The following ASIC2 variants were observed in gnomAD, a reference collection of about 807,000 sequenced individuals.
The protein encoded by ASIC2 is acid sensing ion channel subunit 2, also known as acid-sensing ion channel 2.
A neutral mutation model predicts 57.3 loss-of-function variants in ASIC2; 25 were observed. That is an observed-to-expected ratio of 0.44 (90% confidence interval 0.32 to 0.61). The LOEUF is 0.61. Ranked by LOEUF, ASIC2 falls within the 20% of genes least tolerant of loss-of-function variation. The pLI, the probability that ASIC2 is intolerant of heterozygous loss-of-function variation, is 0.06. For missense variants in ASIC2, 641 were observed against 738.1 expected (o/e 0.87, Z 1.52); for synonymous variants, 319 against 307.5 (o/e 1.04, Z -0.39).
intron 3 of ASIC2, among the ~76,000 whole-genome samples, chr17:33,057,076 AATTAGGGCTGTCTGCTGTAAT>A (rs947963980): frequency 2.0e-5 from 3 of 152,144 alleles, no homozygotes; most frequent in African/African-American, 7.2e-5. Flanking sequence ...AGATGAGCTA[AATTAGGGCTGTCTGCTGTAAT>A]ATTAGGGCCC....
intron 1 of ASIC2, among the ~76,000 whole-genome samples, chr17:34,042,928 A>G (rs1044211697): frequency 1.3e-5 from 2 of 152,372 alleles, no homozygotes; most frequent in Admixed American, 1.3e-4. Context: ...GTTGATTTAT[A>G]TATTTGCAGA....
chr17:33,032,030 C>A (rs2141907444), intron 3 of ASIC2, among the ~76,000 whole-genome samples: 1 of 152,202 alleles, frequency 6.6e-6, no homozygotes, highest in African/African-American at 2.4e-5. Context: ...TAAGGTACAT[C>A]TATTTGAGTG....
intron 1 of ASIC2, among the ~76,000 whole-genome samples, chr17:33,626,339 T>C (rs1176048737): frequency 1.3e-5 from 2 of 152,248 alleles, no homozygotes; most frequent in East Asian, 3.8e-4. Flanking sequence ...ACCACGTATG[T>C]TATTTTTTAA....
chr17:33,332,049 G>C (rs191983335), intron 1 of ASIC2, among the ~76,000 whole-genome samples: 2 of 152,204 alleles, frequency 1.3e-5, no homozygotes, highest in Non-Finnish European at 2.9e-5. Flanking sequence ...TCTGATTTTA[G>C]CAGTGAAGGC....
At chr17:33,969,115 G>A (rs976543880) in intron 1 of ASIC2, among the ~76,000 whole-genome samples, 4 of 152,302 alleles carry the variant, frequency 2.6e-5, no homozygotes, top group African/African-American at 9.6e-5. Context: ...AGACTCTCCA[G>A]GTAATTACAA....
intron 1 of ASIC2, among the ~76,000 whole-genome samples, chr17:33,436,525 G>A (rs964660904): frequency 6.6e-6 from 1 of 152,014 alleles, no homozygotes; most frequent in Non-Finnish European, 1.5e-5. Flanking sequence ...CCCAGAGAAC[G>A]ACTCAGCATA....
chr17:33,863,681 C>T (rs1914153206), intron 1 of ASIC2, among the ~76,000 whole-genome samples: 1 of 152,190 alleles, frequency 6.6e-6, no homozygotes, highest in South Asian at 2.1e-4. Context: ...TTATTTCCTG[C>T]TCAGTTCTCT....
At chr17:33,110,786 A>T (rs2141985957) in intron 2 of ASIC2, among the ~76,000 whole-genome samples, 1 of 152,156 alleles carries the variant, frequency 6.6e-6, no homozygotes, top group South Asian at 2.1e-4. Context: ...GGGTGGCAAC[A>T]GGTAGGGGCT....
intron 1 of ASIC2, among the ~76,000 whole-genome samples, chr17:33,856,890 G>T (rs192586442): frequency 2.9e-4 from 44 of 152,176 alleles, no homozygotes; most frequent in African/African-American, 1.0e-3. Context: ...GCCAGGGGCC[G>T]GGTCTGAAAG....
intron 1 of ASIC2, among the ~76,000 whole-genome samples, chr17:33,543,298 A>G (rs1311175482): frequency 9.0e-6 from 1 of 111,044 alleles, no homozygotes; most frequent in Non-Finnish European, 1.8e-5. Flanking sequence ...AAACAAAACA[A>G]AAACAAAAAA....
intron 1 of ASIC2, among the ~76,000 whole-genome samples, chr17:33,644,661 A>G (rs1055110518): frequency 6.6e-6 from 1 of 152,246 alleles, no homozygotes; most frequent in African/African-American, 2.4e-5. Context: ...CAAAATGGAT[A>G]AGGTATGTTT....
chr17:33,227,125 G>A (rs907170395), intron 1 of ASIC2, among the ~76,000 whole-genome samples: 1 of 152,236 alleles, frequency 6.6e-6, no homozygotes, highest in African/African-American at 2.4e-5. Flanking sequence ...GCCAGTGGCT[G>A]CTTGGCAGCG....
At chr17:33,399,664 C>T (rs1910210579) in intron 1 of ASIC2, among the ~76,000 whole-genome samples, 1 of 152,184 alleles carries the variant, frequency 6.6e-6, no homozygotes, top group East Asian at 1.9e-4. Context: ...TTTGTGATGC[C>T]CCTTCCCCTT....
chr17:33,230,184 G>A (rs1035319209), intron 1 of ASIC2, among the ~76,000 whole-genome samples: 5 of 152,200 alleles, frequency 3.3e-5, no homozygotes, highest in African/African-American at 1.2e-4. Flanking sequence ...CCTAATAAAT[G>A]GTCAGAAGCC....
chr17:33,636,326 T>C (rs1477560574), intron 1 of ASIC2, among the ~76,000 whole-genome samples: 2 of 152,130 alleles, frequency 1.3e-5, no homozygotes, highest in East Asian at 3.9e-4. Context: ...AACAAGATAA[T>C]CTTATATATT....
intron 1 of ASIC2, among the ~76,000 whole-genome samples, chr17:33,176,433 C>T (rs1321393888): frequency 6.6e-6 from 1 of 152,198 alleles, no homozygotes; most frequent in Non-Finnish European, 1.5e-5. Flanking sequence ...CAGCCTTGAC[C>T]TCCTGGGCTC....
At chr17:33,487,180 A>G (rs1013972126) in intron 1 of ASIC2, among the ~76,000 whole-genome samples, 1 of 152,194 alleles carries the variant, frequency 6.6e-6, no homozygotes, top group African/African-American at 2.4e-5. Flanking sequence ...TTTAAAAACT[A>G]AGTACTAGAA....
At chr17:33,683,863 T>G (rs1005049048) in intron 1 of ASIC2, among the ~76,000 whole-genome samples, 3 of 152,276 alleles carry the variant, frequency 2.0e-5, no homozygotes, top group South Asian at 4.1e-4. Flanking sequence ...GAGCCCACCC[T>G]TTTCCCGTAG....
At chr17:33,692,820 G>T (rs1454135948) in intron 1 of ASIC2, among the ~76,000 whole-genome samples, 1 of 152,120 alleles carries the variant, frequency 6.6e-6, no homozygotes, top group Non-Finnish European at 1.5e-5. Flanking sequence ...ACACCACTAG[G>T]CAATAGAAAA....
Sources: gnomAD v4.1 joint callset for allele counts (sites outside exome capture counted in the v4.1 genomes callset) on GRCh38, gnomAD v4.1.1 for gene constraint, MANE v1.5 for transcripts, NCBI Gene and HGNC (gene_info 2026-07-23, HGNC 2026-07-21) for gene names.